Variants in TRABD2B observed in about 807,000 individuals in gnomAD.
TRABD2B encodes metalloprotease TIKI2.
TRABD2B carries 14 observed loss-of-function variants against 40.1 expected under a neutral mutation model. That is an observed-to-expected ratio of 0.35 (90% CI 0.23 to 0.55). The LOEUF is 0.55. Among genes scored for constraint, TRABD2B ranks in the 20% least tolerant of loss-of-function variants. TRABD2B has a pLI of 0.90. For synonymous variants in TRABD2B, 263 were observed against 277.0 expected, an observed-to-expected ratio of 0.95 and a Z score of 0.50; for missense variants, 541 against 648.6, an observed-to-expected ratio of 0.83 and a Z score of 1.80.
chr1:47,891,614 T>C (rs149911225), intron 2 of TRABD2B, among the ~76,000 whole-genome samples: 1 of 152,054 alleles, frequency 6.6e-6, no homozygotes, highest in African/African-American at 2.4e-5. Flanking sequence ...CTGAGCAACA[T>C]AGTGAGACCC....
At chr1:47,870,155 C>T (rs1250480497) in intron 2 of TRABD2B, among the ~76,000 whole-genome samples, 1 of 152,132 alleles carries the variant, frequency 6.6e-6, no homozygotes, top group African/African-American at 2.4e-5. Flanking sequence ...TACTCCCATC[C>T]CACCTGTAAC....
rs1023795603 is a variant in TRABD2B, at chr1:47,955,334, C to T, written c.666+38700G>A. 6.4e-4 allele frequency among the ~76,000 whole-genome samples: 97 copies of T among 152,316 alleles called. 1 individual carries two copies. The highest frequency in any genetic ancestry group is 1.6e-4 in the Non-Finnish European group (11 of 68,028). On this transcript the variant is annotated intron_variant, in intron 2 of 6. Transcript: ENST00000606738. ...TCCTTCCACCACCTCTCCCAAATCC[C>T]GCCTGTTACTGATCCAGTTGTCTAC...
At chr1:47,853,903 C>G (rs1643864906) in intron 2 of TRABD2B, among the ~76,000 whole-genome samples, 1 of 152,156 alleles carries the variant, frequency 6.6e-6, no homozygotes, top group Admixed American at 6.5e-5. Context: ...GATCACATCT[C>G]TCCCTGTTTA....
chr1:47,948,799 C>T (rs960717006), intron 2 of TRABD2B, among the ~76,000 whole-genome samples: 1 of 152,134 alleles, frequency 6.6e-6, no homozygotes, highest in Admixed American at 6.5e-5. Flanking sequence ...CACTTAGTTC[C>T]TTACACCCGC....
At chr1:47,965,145 G>A (rs1489171978) in intron 2 of TRABD2B, among the ~76,000 whole-genome samples, 5 of 140,456 alleles carry the variant, frequency 3.6e-5, no homozygotes, top group South Asian at 4.9e-4. Flanking sequence ...ACCAGGTTGC[G>A]GTTTCAACCA....
intron 2 of TRABD2B, among the ~76,000 whole-genome samples, chr1:47,988,789 G>A (rs908219385): frequency 1.3e-5 from 2 of 152,204 alleles, no homozygotes; most frequent in Admixed American, 6.5e-5. Flanking sequence ...ATGGGACAAA[G>A]GGGGGCAAAT....
At chr1:47,960,883 A>G (rs1170692315) in intron 2 of TRABD2B, among the ~76,000 whole-genome samples, 1 of 152,114 alleles carries the variant, frequency 6.6e-6, no homozygotes, top group Non-Finnish European at 1.5e-5. Context: ...TATGGAACCA[A>G]AAAAGAGCCC....
In TRABD2B at chr1:47,774,600, C is replaced by T. The variant is rs534975184; in HGVS notation, c.1349+570G>A. Among the ~76,000 whole-genome samples, 20 of 152,262 alleles carry T rather than the reference C, an allele frequency of 1.3e-4. No individual in the cohort carries two copies. In the South Asian group the frequency reaches 1.9e-3, roughly 14 times the overall value. On this transcript the variant is annotated intron_variant, in intron 6 of 6. Coordinates refer to ENST00000606738, the MANE Select transcript of TRABD2B (RefSeq NM_001194986.2). ...TATAGGAAGAGGACAGAAGGGTCTC[C>T]GTGCATTAGGATGATTTCTCCTATC... is the stretch of plus-strand genomic sequence containing the variant.
At position 47,801,423 on chromosome 1, in the gene TRABD2B, T is replaced by C. The variant is rs779365117; in HGVS notation, c.813+50A>G. The C allele has an allele frequency of 2.3e-5, 35 of 1,517,834 alleles. No individual in the cohort carries two copies. In the African/African-American group the frequency reaches 3.3e-4, roughly 14 times the overall value. 94.0% of individuals were successfully genotyped at this position (1,517,834 alleles called of 1,614,324 possible). A position where few individuals can be genotyped will look rare whatever the true frequency, so the allele number is the denominator to read the frequency against. On this transcript the variant is annotated intron_variant, in intron 3 of 6. Transcript: ENST00000606738. Reference sequence around the variant, plus strand: ...AAGATTACCTATGCCTGGCACGTCATAGGGATCTAATAAATGCCAGGTATC... The same window carrying C: ...AAGATTACCTATGCCTGGCACGTCACAGGGATCTAATAAATGCCAGGTATC...
At position 47,997,085 on chromosome 1, in the gene TRABD2B, G is replaced by T; in HGVS notation, c.-296C>A. ...CGTGTTGGGGTCCGGGGGCGCGCGG[G>T]GTCCCGGAGCTGCGTCGCGGTCCAG... On this transcript the variant is annotated 5_prime_UTR_variant, in exon 1 of 7. Coordinates refer to ENST00000606738, the MANE Select transcript of TRABD2B (RefSeq NM_001194986.2). The T allele has an allele frequency of 1.0e-6, 1 of 984,014 alleles. No individual in the cohort carries two copies. Among genetic ancestry groups the T allele is most frequent in the Non-Finnish European group, 1.2e-6 (1 of 829,070 alleles). The allele number at this position is 984,014 out of a possible 1,614,324, so 61.0% of individuals were successfully genotyped here. A position where few individuals can be genotyped will look rare whatever the true frequency, so the allele number is the denominator to read the frequency against.
Position 47,768,330 on chromosome 1 carries a change from T to TG in TRABD2B, c.1350-2225dup, listed in dbSNP as rs60319904. Among the ~76,000 whole-genome samples the TG allele has an allele frequency of 6.1e-3, 919 of 151,626 alleles. 7 individuals are homozygous for TG. The highest frequency in any genetic ancestry group is 0.021 in the Middle Eastern group (6 of 292). On this transcript the variant is annotated intron_variant, in intron 6 of 6. Coordinates refer to ENST00000606738, the MANE Select transcript of TRABD2B (RefSeq NM_001194986.2). ...TGAGTAGAGTGTGTGTGTGTGGAAGTGGGGGGGGAGGGCCAGGTGGCTTCC... is the reference window on the plus strand; with the variant it reads ...TGAGTAGAGTGTGTGTGTGTGGAAGTGGGGGGGGGAGGGCCAGGTGGCTTCC...
In TRABD2B at chr1:47,900,861, C is replaced by A. The variant is rs553526161; in HGVS notation, c.666+93173G>T. Among the ~76,000 whole-genome samples the A allele has an allele frequency of 4.6e-5, 7 of 152,204 alleles. No homozygotes were observed. The East Asian group carries it at 1.4e-3, about 29-fold the overall frequency. ...AACCATGACACTATTGGAGGGCCAT[C>A]CTGCTCTCTCAATCCAAGCACCATC... On this transcript the variant is annotated intron_variant, in intron 2 of 6. Coordinates refer to ENST00000606738, the MANE Select transcript of TRABD2B (RefSeq NM_001194986.2).
At chr1:47,789,113 A>G (rs1407375877) in intron 4 of TRABD2B, among the ~76,000 whole-genome samples, 3 of 152,182 alleles carry the variant, frequency 2.0e-5, no homozygotes, top group East Asian at 3.8e-4. Context: ...GTCCTCACAG[A>G]ACATCTCCTA....
At chr1:47,821,077 G>A (rs1277548995) in intron 2 of TRABD2B, among the ~76,000 whole-genome samples, 2 of 152,096 alleles carry the variant, frequency 1.3e-5, no homozygotes, top group Admixed American at 6.5e-5. Flanking sequence ...CTTGCAGACC[G>A]CTCCCTGCAA....
intron 2 of TRABD2B, among the ~76,000 whole-genome samples, chr1:47,831,238 G>C (rs572964911): frequency 6.6e-6 from 1 of 152,300 alleles, no homozygotes; most frequent in South Asian, 2.1e-4. Flanking sequence ...AAAGCCGGCT[G>C]TAGCCCAGAG....
At chr1:47,794,878 T>C in intron 3 of TRABD2B, 118 bp from the exon 4 acceptor site, 1 of 980,842 alleles carries the variant, frequency 1.0e-6, no homozygotes, top group Non-Finnish European at 1.4e-6. Context: ...ACTCTCTGGC[T>C]CAAGCCATCC....
chr1:47,769,811 G>A (rs948070101), intron 6 of TRABD2B, among the ~76,000 whole-genome samples: 12 of 152,232 alleles, frequency 7.9e-5, no homozygotes, highest in South Asian at 2.1e-4. Context: ...CCTGTAGTGC[G>A]TTCCTGGCTT....
intron 2 of TRABD2B, among the ~76,000 whole-genome samples, chr1:47,991,592 A>T (rs528960707): frequency 7.5e-6 from 1 of 133,712 alleles, no homozygotes; most frequent in African/African-American, 3.0e-5. Flanking sequence ...TTCTCCATTT[A>T]ACAAGCAAAA....
intron 2 of TRABD2B, among the ~76,000 whole-genome samples, chr1:47,898,795 T>C (rs1440701238): frequency 1.3e-5 from 2 of 152,208 alleles, no homozygotes; most frequent in Non-Finnish European, 2.9e-5. Flanking sequence ...ATATATACCA[T>C]ATTTTGCCAT....
Sources: allele counts gnomAD v4.1 joint callset (sites outside exome capture counted in the v4.1 genomes callset), GRCh38; gene constraint gnomAD v4.1.1; transcripts MANE v1.5; gene names NCBI Gene and HGNC (gene_info 2026-07-23, HGNC 2026-07-21).